The following LPP variants were observed in gnomAD, a reference collection of about 807,000 sequenced individuals.
LPP encodes the protein lipoma-preferred partner.
LPP carries 38 observed loss-of-function variants against 60.4 expected under a neutral mutation model. The observed-to-expected ratio is 0.63, with a 90% CI of 0.49 to 0.83. The LOEUF (loss-of-function observed/expected upper bound fraction) is 0.83, where lower values mean the gene tolerates loss of function less well. LPP is among the 40% of genes least tolerant of loss of function. LPP has a pLI of 0.00. For synonymous variants in LPP, 328 were observed against 290.8 expected (o/e 1.13, Z -1.30); for missense variants, 902 against 783.6 (o/e 1.15, Z -1.80).
intron 7 of LPP, among the ~76,000 whole-genome samples, chr3:188,615,661 T>A (rs1446477647): frequency 6.6e-6 from 1 of 152,200 alleles, no homozygotes; most frequent in Admixed American, 6.5e-5. Flanking sequence ...ATTGTACAGC[T>A]CAGGTGCATT....
chr3:188,730,996 C>T (rs1355521512), intron 8 of LPP, among the ~76,000 whole-genome samples: 1 of 152,156 alleles, frequency 6.6e-6, no homozygotes, highest in African/African-American at 2.4e-5. Flanking sequence ...AGATATGACC[C>T]ACCTGAATAA....
chr3:188,283,983 A>C (rs1452455732), intron 2 of LPP, among the ~76,000 whole-genome samples: 1 of 151,890 alleles, frequency 6.6e-6, no homozygotes, highest in Non-Finnish European at 1.5e-5. Context: ...TCTCAAAAAA[A>C]ATAATAAAAA....
At chr3:188,725,768 A>G (rs891370183) in intron 8 of LPP, among the ~76,000 whole-genome samples, 8 of 152,160 alleles carry the variant, frequency 5.3e-5, no homozygotes, top group Admixed American at 3.9e-4. Flanking sequence ...ACATTGCTGG[A>G]GTTTGGTGAT....
chr3:188,570,808 G>A (rs999683230), intron 6 of LPP, among the ~76,000 whole-genome samples: 3 of 151,730 alleles, frequency 2.0e-5, no homozygotes, highest in African/African-American at 4.8e-5. Context: ...GTGAAAGCCC[G>A]CTAGAGATAA....
intron 1 of LPP, among the ~76,000 whole-genome samples, chr3:188,181,837 C>T (rs1022182656): frequency 1.3e-5 from 2 of 152,324 alleles, no homozygotes; most frequent in Admixed American, 6.5e-5. Flanking sequence ...ATTCTTCTGC[C>T]TCAGCCTCCC....
chr3:188,706,599 A>G (rs929561942), intron 7 of LPP, among the ~76,000 whole-genome samples: 2 of 152,248 alleles, frequency 1.3e-5, no homozygotes, highest in Non-Finnish European at 2.9e-5. Flanking sequence ...TTTAGACATC[A>G]CACAAATGAT....
In LPP at chr3:188,779,407, C is replaced by T. The variant is rs191790284; in HGVS notation, c.1410+19125C>T. Reference sequence around the variant, plus strand: ...CACACAGATCTGAGGATGGCAGAAGCTCACTGAATAGCACACGCAAGGACC... The same window carrying T: ...CACACAGATCTGAGGATGGCAGAAGTTCACTGAATAGCACACGCAAGGACC... On this transcript the variant is annotated intron_variant, in intron 9 of 11. Coordinates refer to ENST00000617246, the MANE Select transcript of LPP (RefSeq NM_001375462.1). Among the ~76,000 whole-genome samples, 5 of 152,212 alleles carry T rather than the reference C, an allele frequency of 3.3e-5. No homozygotes were observed. In the East Asian group the frequency reaches 9.7e-4, roughly 29 times the overall value.
chr3:188,800,287 T>C (rs112532515), intron 9 of LPP, among the ~76,000 whole-genome samples: 11,892 of 136,664 alleles, frequency 0.087, 682 homozygotes, highest in African/African-American at 0.16. Flanking sequence ...GCTCTGTCGC[T>C]CAGGCTGGGG....
At chr3:188,502,560 C>T (rs1165109477) in intron 5 of LPP, among the ~76,000 whole-genome samples, 1 of 152,024 alleles carries the variant, frequency 6.6e-6, no homozygotes, top group Admixed American at 6.6e-5. Context: ...TTTATTCTGC[C>T]AACCCGTCTT....
chr3:188,795,689 T>TTCA (rs199673929), intron 9 of LPP, among the ~76,000 whole-genome samples: 3,690 of 152,052 alleles, frequency 0.024, 132 homozygotes, highest in African/African-American at 0.084. Flanking sequence ...CTGTCATGCT[T>TTCA]TCATCATCAT....
At chr3:188,748,205 G>A (rs778282285) in intron 8 of LPP, among the ~76,000 whole-genome samples, 1 of 152,034 alleles carries the variant, frequency 6.6e-6, no homozygotes, top group Admixed American at 6.6e-5. Flanking sequence ...TTGTATGTGT[G>A]TATACTTATT....
intron 9 of LPP, among the ~76,000 whole-genome samples, chr3:188,770,515 A>G (rs1735614425): frequency 1.3e-5 from 2 of 151,952 alleles, no homozygotes; most frequent in Admixed American, 1.3e-4. Context: ...TAAAGGAATG[A>G]TAATTACCCA....
chr3:188,675,535 A>G (rs1335433778), intron 7 of LPP, among the ~76,000 whole-genome samples: 1 of 152,182 alleles, frequency 6.6e-6, no homozygotes, highest in South Asian at 2.1e-4. Flanking sequence ...CAACACATCA[A>G]GGGGTGTTGG....
At chr3:188,643,879 T>C (rs1159781997) in intron 7 of LPP, among the ~76,000 whole-genome samples, 1 of 152,050 alleles carries the variant, frequency 6.6e-6, no homozygotes, top group Non-Finnish European at 1.5e-5. Context: ...AGGTAGAAAA[T>C]AGTACCAAGG....
chr3:188,585,995 T>C (rs1465236902), intron 6 of LPP, among the ~76,000 whole-genome samples: 1 of 152,206 alleles, frequency 6.6e-6, no homozygotes, highest in Non-Finnish European at 1.5e-5. Flanking sequence ...AAAGGGTCTC[T>C]TTGGGGCAGG....
chr3:188,591,676 A>T (rs941035162), intron 6 of LPP, among the ~76,000 whole-genome samples: 42 of 152,122 alleles, frequency 2.8e-4, no homozygotes, highest in African/African-American at 9.7e-4. Context: ...TGCCAGATTA[A>T]TATTTTTTTC....
chr3:188,827,280 T>C (rs1169966607), intron 9 of LPP, among the ~76,000 whole-genome samples: 3 of 152,192 alleles, frequency 2.0e-5, no homozygotes, highest in Non-Finnish European at 4.4e-5. Context: ...ACACCACATG[T>C]TCTTTTGAAA....
chr3:188,772,636 A>AGCTT (rs1736440596), intron 9 of LPP, among the ~76,000 whole-genome samples: 1 of 152,130 alleles, frequency 6.6e-6, no homozygotes, highest in Non-Finnish European at 1.5e-5. Flanking sequence ...CTGGGACTAC[A>AGCTT]GGTGCCCGCC....
chr3:188,222,797 G>T (rs1396775362), intron 1 of LPP, among the ~76,000 whole-genome samples: 1 of 151,976 alleles, frequency 6.6e-6, no homozygotes, highest in African/African-American at 2.4e-5. Flanking sequence ...CTTGTTTTGA[G>T]CTCCTTTAAC....
Sources: gnomAD v4.1 joint callset for allele counts (sites outside exome capture counted in the v4.1 genomes callset) on GRCh38, gnomAD v4.1.1 for gene constraint, MANE v1.5 for transcripts, NCBI Gene and HGNC (gene_info 2026-07-23, HGNC 2026-07-21) for gene names.